ASAP1: variants seen among roughly 807,000 people sequenced by gnomAD.
ASAP1 encodes ArfGAP with SH3 domain, ankyrin repeat and PH domain 1, also known as arf-GAP with SH3 domain, ANK repeat and PH domain-containing protein 1.
In ASAP1, 43 loss-of-function variants were observed where a neutral mutation model predicts 145.2. That is an observed-to-expected ratio of 0.30 (90% CI 0.23 to 0.38). The LOEUF is 0.38. ASAP1 is among the 10% of genes least tolerant of loss of function. The pLI, the probability that ASAP1 is intolerant of heterozygous loss-of-function variation, is 1.00. For synonymous variants in ASAP1, 546 were observed against 515.5 expected (o/e 1.06, Z -0.80); for missense variants, 1,018 against 1,355.3 (o/e 0.75, Z 3.91).
intron 3 of ASAP1, among the ~76,000 whole-genome samples, chr8:130,337,454 G>A (rs1244922756): frequency 6.6e-6 from 1 of 152,160 alleles, no homozygotes; most frequent in African/African-American, 2.4e-5. Context: ...ACTGCAAAGA[G>A]AGCCCTGTTA....
At chr8:130,333,300 T>C (rs950391278) in intron 3 of ASAP1, among the ~76,000 whole-genome samples, 1 of 152,226 alleles carries the variant, frequency 6.6e-6, no homozygotes, top group African/African-American at 2.4e-5. Flanking sequence ...TCTTTATTTC[T>C]ATAGTAAAAA....
intron 17 of ASAP1, among the ~76,000 whole-genome samples, chr8:130,124,320 T>C (rs138070387): frequency 6.6e-6 from 1 of 152,376 alleles, no homozygotes; most frequent in African/African-American, 2.4e-5. Flanking sequence ...GGGTAAACTA[T>C]GTTCCCTTTC....
chr8:130,206,724 C>T (rs551975800), intron 5 of ASAP1, among the ~76,000 whole-genome samples: 4 of 152,018 alleles, frequency 2.6e-5, no homozygotes, highest in African/African-American at 9.6e-5. Flanking sequence ...AATTTATATA[C>T]ATTTTCTAAA....
At chr8:130,317,087 CTT>C (rs11348187) in intron 3 of ASAP1, among the ~76,000 whole-genome samples, 6,673 of 142,838 alleles carry the variant, frequency 0.047, 238 homozygotes, top group African/African-American at 0.1. Flanking sequence ...TCACATCATG[CTT>C]TTTTTTTTTT....
At chr8:130,170,750 G>A (rs977090256) in intron 9 of ASAP1, among the ~76,000 whole-genome samples, 4 of 150,316 alleles carry the variant, frequency 2.7e-5, no homozygotes, top group South Asian at 2.1e-4. Context: ...TCTCTCTCTC[G>A]GCAGGGTCTC....
intron 2 of ASAP1, among the ~76,000 whole-genome samples, chr8:130,359,862 A>G (rs1826624717): frequency 6.6e-6 from 1 of 151,288 alleles, no homozygotes; most frequent in Non-Finnish European, 1.5e-5. Flanking sequence ...TGACCTCATG[A>G]TCCACCCGCC....
intron 3 of ASAP1, among the ~76,000 whole-genome samples, chr8:130,323,747 G>T (rs1373233209): frequency 6.6e-6 from 1 of 151,992 alleles, no homozygotes; most frequent in Non-Finnish European, 1.5e-5. Context: ...TGTATGTAAG[G>T]CCCATAACAC....
At chr8:130,419,905 C>T (rs1366416307) in intron 1 of ASAP1, among the ~76,000 whole-genome samples, 1 of 151,996 alleles carries the variant, frequency 6.6e-6, no homozygotes, top group Non-Finnish European at 1.5e-5. Context: ...AGCCTTGGGG[C>T]TTTGCTATCC....
chr8:130,279,836 A>G (rs1025177234), intron 3 of ASAP1, among the ~76,000 whole-genome samples: 1 of 152,234 alleles, frequency 6.6e-6, no homozygotes, highest in Admixed American at 6.5e-5. Flanking sequence ...AGGGGCGTCC[A>G]TAACTAAAGC....
intron 9 of ASAP1, 111 bp from the exon 10 acceptor site, chr8:130,169,178 A>G: frequency 1.6e-6 from 1 of 626,860 alleles, no homozygotes; most frequent in Non-Finnish European, 2.8e-6. Context: ...ATCTGAAAAT[A>G]CACTTATCTG....
intron 3 of ASAP1, among the ~76,000 whole-genome samples, chr8:130,264,878 G>A (rs1418260422): frequency 6.6e-6 from 1 of 152,074 alleles, no homozygotes; most frequent in Non-Finnish European, 1.5e-5. Context: ...CCTGGAGAAG[G>A]TGGCATTTCA....
intron 23 of ASAP1, among the ~76,000 whole-genome samples, chr8:130,113,702 T>G (rs2097550182): frequency 1.3e-5 from 2 of 152,136 alleles, no homozygotes; most frequent in African/African-American, 4.8e-5. Flanking sequence ...CTGGGAGACT[T>G]TAGACAAGTT....
At chr8:130,178,112 TA>T (rs1814092783) in intron 9 of ASAP1, among the ~76,000 whole-genome samples, 1 of 152,268 alleles carries the variant, frequency 6.6e-6, no homozygotes, top group South Asian at 2.1e-4. Context: ...GGTATCTTTC[TA>T]AATATAACTA....
intron 3 of ASAP1, among the ~76,000 whole-genome samples, chr8:130,303,441 A>C (rs369465825): frequency 4.3e-4 from 66 of 152,288 alleles, no homozygotes; most frequent in African/African-American, 1.4e-3. Context: ...CCCTCTGTCA[A>C]CTAATTGCCA....
At chr8:130,289,711 G>T (rs1164768557) in intron 3 of ASAP1, among the ~76,000 whole-genome samples, 1 of 152,182 alleles carries the variant, frequency 6.6e-6, no homozygotes, top group Non-Finnish European at 1.5e-5. Context: ...CAAATCACCT[G>T]AAGTATCTTA....
chr8:130,375,596 G>A (rs1403688964), intron 2 of ASAP1, among the ~76,000 whole-genome samples: 1 of 152,068 alleles, frequency 6.6e-6, no homozygotes, highest in Non-Finnish European at 1.5e-5. Context: ...ACTGGAAAGT[G>A]CTTTGAAATG....
chr8:130,319,238 T>C (rs1823855844), intron 3 of ASAP1, among the ~76,000 whole-genome samples: 1 of 152,162 alleles, frequency 6.6e-6, no homozygotes, highest in South Asian at 2.1e-4. Flanking sequence ...TTGCATTGGA[T>C]CACATAGCCA....
At chr8:130,058,645 G>A (rs191338763) in intron 28 of ASAP1, among the ~76,000 whole-genome samples, 1 of 152,186 alleles carries the variant, frequency 6.6e-6, no homozygotes, top group African/African-American at 2.4e-5. Flanking sequence ...GTTTTGATTT[G>A]AGCATTTATT....
At chr8:130,334,706 C>G (rs1565218749) in intron 3 of ASAP1, among the ~76,000 whole-genome samples, 2 of 152,170 alleles carry the variant, frequency 1.3e-5, no homozygotes, top group East Asian at 1.9e-4. Context: ...GTTTCTTTCA[C>G]ACTTTTGGCA....
Sources: gnomAD v4.1 joint callset for allele counts (sites outside exome capture counted in the v4.1 genomes callset) on GRCh38, gnomAD v4.1.1 for gene constraint, MANE v1.5 for transcripts, NCBI Gene and HGNC (gene_info 2026-07-23, HGNC 2026-07-21) for gene names.